TRPM3: variants seen among roughly 807,000 people sequenced by gnomAD.
TRPM3 encodes transient receptor potential cation channel subfamily M member 3.
A neutral mutation model predicts 181.2 loss-of-function variants in TRPM3; 77 were observed. The observed-to-expected ratio is 0.42, with a 90% confidence interval of 0.35 to 0.51. TRPM3 has a LOEUF of 0.51. Ranked by LOEUF, TRPM3 falls within the 20% of genes least tolerant of loss-of-function variation. The pLI, the probability that TRPM3 is intolerant of heterozygous loss-of-function variation, is 0.01. For missense variants in TRPM3, 1,759 were observed against 2,196.7 expected, an observed-to-expected ratio of 0.80 and a Z score of 3.98; for synonymous variants, 745 against 796.4, an observed-to-expected ratio of 0.94 and a Z score of 1.09.
At chr9:71,054,007 T>C (rs1443840825) in intron 1 of TRPM3, among the ~76,000 whole-genome samples, 1 of 152,144 alleles carries the variant, frequency 6.6e-6, no homozygotes, top group Non-Finnish European at 1.5e-5. Flanking sequence ...AGGCTTTAAA[T>C]TCAGCACGAC....
chr9:70,924,256 A>G (rs142274146), intron 1 of TRPM3, among the ~76,000 whole-genome samples: 1 of 152,246 alleles, frequency 6.6e-6, no homozygotes, highest in Non-Finnish European at 1.5e-5. Context: ...TATAATACCA[A>G]TATTTATTTC....
rs570787981 is a variant in TRPM3, at chr9:71,196,253, T to C, written c.183+250400A>G. Among the ~76,000 whole-genome samples, 16 of 150,642 alleles carry C rather than the reference T, an allele frequency of 1.1e-4. No individual in the cohort carries two copies. The South Asian group carries it at 3.4e-3, about 32-fold the overall frequency. On this transcript the variant is annotated intron_variant, in intron 1 of 24. Coordinates refer to the TRPM3 transcript ENST00000357533. ...ATTTGATTTCCCAACCTCTGGGTCT[T>C]AATTATTTGTTTTTCTTTTTTAGTA...
chr9:70,549,116 C>T (rs1352994011), intron 25 of TRPM3, among the ~76,000 whole-genome samples: 3 of 152,262 alleles, frequency 2.0e-5, no homozygotes, highest in Non-Finnish European at 4.4e-5. Context: ...AGGTGTTGGG[C>T]ACCCATATAA....
intron 1 of TRPM3, among the ~76,000 whole-genome samples, chr9:71,156,509 C>T (rs998290444): frequency 2.6e-5 from 4 of 151,564 alleles, no homozygotes; most frequent in Non-Finnish European, 5.9e-5. Flanking sequence ...CTGGTCTTTT[C>T]ATCTACTTTT....
chr9:71,341,382 T>A (rs1484223238), intron 1 of TRPM3, among the ~76,000 whole-genome samples: 1 of 152,142 alleles, frequency 6.6e-6, no homozygotes, highest in Non-Finnish European at 1.5e-5. Context: ...AAGGTTAACA[T>A]CACTAGCAAC....
chr9:71,279,703 G>A (rs1588260208), intron 1 of TRPM3, among the ~76,000 whole-genome samples: 2 of 152,272 alleles, frequency 1.3e-5, no homozygotes, highest in South Asian at 4.2e-4. Context: ...TGGGGGAGAG[G>A]ACTCAGCGTA....
At chr9:71,199,968 G>A (rs1346072828) in intron 1 of TRPM3, among the ~76,000 whole-genome samples, 1 of 152,156 alleles carries the variant, frequency 6.6e-6, no homozygotes, top group Non-Finnish European at 1.5e-5. Context: ...TGATGCTAGG[G>A]TGTCAATTTT....
At chr9:70,820,754 A>T (rs968135634) in intron 6 of TRPM3, among the ~76,000 whole-genome samples, 12 of 152,096 alleles carry the variant, frequency 7.9e-5, no homozygotes, top group African/African-American at 2.7e-4. Flanking sequence ...CTCCATCTGT[A>T]AGCTAGGGAA....
At chr9:70,557,407 A>C (rs1477615490) in intron 22 of TRPM3, among the ~76,000 whole-genome samples, 1 of 152,254 alleles carries the variant, frequency 6.6e-6, no homozygotes. Flanking sequence ...CAGCAAAGAA[A>C]GAGCATTATA....
chr9:70,850,361 G>T (rs1200029434), intron 3 of TRPM3, among the ~76,000 whole-genome samples: 1 of 152,052 alleles, frequency 6.6e-6, no homozygotes, highest in Non-Finnish European at 1.5e-5. Flanking sequence ...AAAAGTTTCT[G>T]TTAAAAATCT....
At chr9:70,949,485 G>GACTGGC (rs1204648335) in intron 1 of TRPM3, among the ~76,000 whole-genome samples, 1 of 152,030 alleles carries the variant, frequency 6.6e-6, no homozygotes, top group Non-Finnish European at 1.5e-5. Context: ...AAACCGAAGA[G>GACTGGC]ACTGGCAAGG....
rs544577860 is a variant in TRPM3, at chr9:71,225,138, A to G, written c.183+221515T>C. 6.6e-5 allele frequency among the ~76,000 whole-genome samples: 10 copies of G among 152,288 alleles called. No homozygotes were observed. The South Asian group carries it at 2.1e-3, about 32-fold the overall frequency. On this transcript the variant is annotated intron_variant, in intron 1 of 24. Transcript: ENST00000357533. The stretch of plus-strand genomic sequence containing the variant: ...ACAAGAGTGTTACAGAACACTAAGC[A>G]GATTTAACCCAAAAAAACACTATCT...
rs151127015 is a variant in TRPM3, at chr9:70,791,168, A to G, written c.974-6889T>C. On this transcript the variant is annotated intron_variant, in intron 6 of 25. Coordinates refer to ENST00000677713, the MANE Select transcript of TRPM3 (RefSeq NM_001366145.2). ...TGGGTAATAAACTCAGATTTCTTTT[A>G]TTGAAAATCCATGAGGTACCCAATT... is the stretch of plus-strand genomic sequence containing the variant. Among the ~76,000 whole-genome samples, 62 of 152,312 alleles carry G rather than the reference A, an allele frequency of 4.1e-4. No individual in the cohort carries two copies. The East Asian group carries it at 7.9e-3, about 19-fold the overall frequency.
intron 1 of TRPM3, among the ~76,000 whole-genome samples, chr9:71,027,256 A>C (rs1032436831): frequency 1.3e-5 from 2 of 152,152 alleles, no homozygotes; most frequent in African/African-American, 4.8e-5. Context: ...TCCACTGACC[A>C]CCTTATACCA....
intron 21 of TRPM3, among the ~76,000 whole-genome samples, chr9:70,593,163 A>G (rs1425299210): frequency 6.6e-6 from 1 of 152,254 alleles, no homozygotes; most frequent in Non-Finnish European, 1.5e-5. Context: ...TGCATGACTT[A>G]AAAACCAAAC....
chr9:71,446,888 T>C (rs1445438432), upstream of TRPM3: 6 of 1,452,906 alleles, frequency 4.1e-6, no homozygotes, highest in Non-Finnish European at 5.5e-6. Context: ...GCGCTCTCGC[T>C]GGCTCCTCGC....
intron 8 of TRPM3, among the ~76,000 whole-genome samples, chr9:70,701,323 A>T (rs1217876983): frequency 1.3e-5 from 2 of 152,180 alleles, no homozygotes; most frequent in African/African-American, 4.8e-5. Flanking sequence ...GACTGCTCAC[A>T]GGGAGAGTTC....
chr9:70,892,351 C>T (rs1054337598), intron 1 of TRPM3, among the ~76,000 whole-genome samples: 10 of 151,896 alleles, frequency 6.6e-5, no homozygotes, highest in Admixed American at 5.9e-4. Flanking sequence ...GTAGAAATAC[C>T]TAGAAATAGG....
intron 1 of TRPM3, among the ~76,000 whole-genome samples, chr9:71,327,587 TA>T (rs909650159): frequency 1.3e-5 from 2 of 152,182 alleles, no homozygotes; most frequent in African/African-American, 2.4e-5. Context: ...GTTTTCAACC[TA>T]AAAAAGTATA....
Sources: gnomAD v4.1 joint callset for allele counts (sites outside exome capture counted in the v4.1 genomes callset) on GRCh38, gnomAD v4.1.1 for gene constraint, MANE v1.5 for transcripts, NCBI Gene and HGNC (gene_info 2026-07-23, HGNC 2026-07-21) for gene names.